Variants in SGCZ observed in about 807,000 individuals in gnomAD.
The protein encoded by SGCZ is zeta-sarcoglycan.
Under a neutral mutation model 41.3 loss-of-function variants are expected in SGCZ, and 40 were observed. The ratio of observed to expected loss-of-function variants is 0.97; its 90% CI spans 0.75 to 1.26. The LOEUF is 1.26. Among genes scored for constraint, SGCZ ranks in the 50% most tolerant of loss-of-function variants. The pLI, the probability that SGCZ is intolerant of heterozygous loss-of-function variation, is 0.00. For missense variants in SGCZ, 552 were observed against 369.8 expected (o/e 1.49, Z -4.04); for synonymous variants, 206 against 137.5 (o/e 1.50, Z -3.49).
chr8:15,216,653 A>C (rs1026785353), intron 1 of SGCZ, among the ~76,000 whole-genome samples: 3 of 152,180 alleles, frequency 2.0e-5, no homozygotes, highest in Non-Finnish European at 2.9e-5. Flanking sequence ...CTATTAAAGA[A>C]AATATGGAAA....
intron 4 of SGCZ, among the ~76,000 whole-genome samples, chr8:14,170,948 G>T (rs1005670712): frequency 1.3e-5 from 2 of 151,932 alleles, no homozygotes; most frequent in African/African-American, 4.8e-5. Context: ...AAGAAAAAAA[G>T]GATAATAATC....
chr8:14,108,064 G>T, intron 6 of SGCZ, 99 bp downstream of exon 6: 2 of 841,088 alleles, frequency 2.4e-6, no homozygotes, highest in Non-Finnish European at 3.5e-6. Context: ...AAGTATATTG[G>T]GAGAAACATT....
At chr8:14,852,786 C>G (rs1401355827) in intron 1 of SGCZ, among the ~76,000 whole-genome samples, 1 of 152,178 alleles carries the variant, frequency 6.6e-6, no homozygotes, top group East Asian at 1.9e-4. Context: ...TGGCTCACCT[C>G]CCATCTGTAG....
chr8:14,488,502 G>C (rs1801746003), intron 2 of SGCZ, among the ~76,000 whole-genome samples: 1 of 151,914 alleles, frequency 6.6e-6, no homozygotes, highest in African/African-American at 2.4e-5. Context: ...TTGCCCCTTT[G>C]AGATGTAAAT....
chr8:15,026,933 T>C (rs1248026123), intron 1 of SGCZ, among the ~76,000 whole-genome samples: 1 of 152,194 alleles, frequency 6.6e-6, no homozygotes, highest in Non-Finnish European at 1.5e-5. Context: ...CCAATTGTGC[T>C]GATGGTTAAT....
rs1420024588 is a variant in SGCZ, at chr8:14,810,382, C to A, written c.40-255456G>T. On this transcript the variant is annotated intron_variant, in intron 1 of 7. Coordinates refer to ENST00000382080, the MANE Select transcript of SGCZ (RefSeq NM_139167.4). The stretch of plus-strand genomic sequence containing the variant: ...TTCCTAATAGAAAAATTCATATTAA[C>A]ATTTTTTAAGAAATGGTGCAGCAGT... Among the ~76,000 whole-genome samples, 3 of 152,058 alleles carry A rather than the reference C, an allele frequency of 2.0e-5. No homozygotes were observed. In the South Asian group the frequency reaches 6.2e-4, roughly 32 times the overall value.
At chr8:14,457,800 C>T (rs914219892) in intron 2 of SGCZ, among the ~76,000 whole-genome samples, 9 of 152,152 alleles carry the variant, frequency 5.9e-5, no homozygotes, top group Non-Finnish European at 1.2e-4. Flanking sequence ...GGAGGTGACT[C>T]ACATTTTTTA....
intron 1 of SGCZ, among the ~76,000 whole-genome samples, chr8:14,614,460 A>G (rs1258311035): frequency 1.3e-5 from 2 of 152,136 alleles, no homozygotes; most frequent in Non-Finnish European, 2.9e-5. Context: ...ACATGATTGT[A>G]TTTTTCTATT....
At chr8:14,601,745 A>C (rs1359282159) in intron 1 of SGCZ, among the ~76,000 whole-genome samples, 1 of 152,206 alleles carries the variant, frequency 6.6e-6, no homozygotes, top group East Asian at 1.9e-4. Flanking sequence ...CATTAGTGAA[A>C]ACTGGAAAAC....
intron 3 of SGCZ, among the ~76,000 whole-genome samples, chr8:14,288,354 G>A (rs764414724): frequency 3.7e-4 from 56 of 151,976 alleles, no homozygotes; most frequent in Non-Finnish European, 6.9e-4. Context: ...ACGATGTTCT[G>A]CAACCATTAT....
chr8:14,760,620 T>A (rs1377005174), intron 1 of SGCZ, among the ~76,000 whole-genome samples: 1 of 152,204 alleles, frequency 6.6e-6, no homozygotes, highest in Non-Finnish European at 1.5e-5. Context: ...TTAAAGTGAA[T>A]CATTAAAAAT....
chr8:14,423,476 G>C (rs2117312656), intron 2 of SGCZ, among the ~76,000 whole-genome samples: 1 of 152,096 alleles, frequency 6.6e-6, no homozygotes, highest in South Asian at 2.1e-4. Flanking sequence ...GAGTGCAATG[G>C]TGCAATGTCG....
chr8:14,712,898 A>T (rs1328322419), intron 1 of SGCZ, among the ~76,000 whole-genome samples: 2 of 148,182 alleles, frequency 1.3e-5, no homozygotes, highest in Non-Finnish European at 3.0e-5. Flanking sequence ...CCAAAATGTG[A>T]CCTGGTTTTT....
intron 3 of SGCZ, among the ~76,000 whole-genome samples, chr8:14,244,058 C>T (rs745980574): frequency 6.6e-6 from 1 of 152,176 alleles, no homozygotes; most frequent in Non-Finnish European, 1.5e-5. Context: ...GAGCACATTA[C>T]AAGATCCAGG....
At chr8:14,446,015 C>T (rs544435341) in intron 2 of SGCZ, among the ~76,000 whole-genome samples, 8 of 152,134 alleles carry the variant, frequency 5.3e-5, no homozygotes, top group South Asian at 2.1e-4. Flanking sequence ...TTGAGTGAAG[C>T]GAGACAAGTA....
chr8:15,097,815 C>T (rs1195951546), intron 1 of SGCZ, among the ~76,000 whole-genome samples: 7 of 74,512 alleles, frequency 9.4e-5, no homozygotes, highest in East Asian at 4.3e-4. Context: ...TATATATATA[C>T]GTGTGTGTAT....
intron 1 of SGCZ, among the ~76,000 whole-genome samples, chr8:15,110,101 G>C (rs142959017): frequency 7.0e-4 from 107 of 152,244 alleles, no homozygotes; most frequent in African/African-American, 2.6e-3. Context: ...TAGAAATCTA[G>C]AGTGAATTCA....
At chr8:14,720,150 G>T (rs1478522805) in intron 1 of SGCZ, among the ~76,000 whole-genome samples, 1 of 151,264 alleles carries the variant, frequency 6.6e-6, no homozygotes, top group Non-Finnish European at 1.5e-5. Flanking sequence ...TCTGATCTTG[G>T]CCACAAATAC....
intron 1 of SGCZ, among the ~76,000 whole-genome samples, chr8:14,913,845 G>A (rs987054596): frequency 3.3e-5 from 5 of 151,960 alleles, no homozygotes; most frequent in African/African-American, 4.8e-5. Context: ...TCCAAGTGAC[G>A]TTGCTTAACA....
Sources: gnomAD v4.1 joint callset for allele counts (sites outside exome capture counted in the v4.1 genomes callset) on GRCh38, gnomAD v4.1.1 for gene constraint, MANE v1.5 for transcripts, NCBI Gene and HGNC (gene_info 2026-07-23, HGNC 2026-07-21) for gene names.